FHIT: variants seen among roughly 807,000 people sequenced by gnomAD.
The protein encoded by FHIT is fragile histidine triad diadenosine triphosphatase, also known as bis(5'-adenosyl)-triphosphatase.
FHIT carries 19 observed loss-of-function variants against 17.9 expected under a neutral mutation model. That is an observed-to-expected ratio of 1.06 (90% CI 0.74 to 1.56). FHIT has a LOEUF of 1.56. FHIT is among the 40% of genes most tolerant of loss of function. The pLI, the probability that FHIT is intolerant of heterozygous loss-of-function variation, is 0.00. For synonymous variants in FHIT, 81 were observed against 69.7 expected (o/e 1.16, Z -0.81); for missense variants, 248 against 189.2 (o/e 1.31, Z -1.82).
chr3:61,144,965 A>C lies in FHIT; in HGVS notation c.-164+55652T>G, dbSNP rs114838931. ...TAGATACTAGTCCATCAACAGATGC[A>C]AAATTTTCTCCCATCTTTGGGTATA... On this transcript the variant is annotated intron_variant, in intron 2 of 9. Transcript: ENST00000492590. Among the ~76,000 whole-genome samples the C allele has an allele frequency of 2.4e-3, 370 of 152,302 alleles. 4 individuals are homozygous for C. Among genetic ancestry groups the C allele is most frequent in the African/African-American group, 8.7e-3 (360 of 41,588 alleles).
intron 5 of FHIT, among the ~76,000 whole-genome samples, chr3:60,114,188 G>T (rs941927851): frequency 6.7e-6 from 1 of 149,260 alleles, no homozygotes; most frequent in South Asian, 2.1e-4. Context: ...ATCAGACAAG[G>T]TAAACAGTAT....
intron 5 of FHIT, among the ~76,000 whole-genome samples, chr3:60,132,928 G>T (rs573763695): frequency 6.6e-5 from 10 of 152,102 alleles, no homozygotes; most frequent in Non-Finnish European, 1.5e-4. Context: ...ATTCGCTTTT[G>T]AGTTAGATTA....
intron 2 of FHIT, among the ~76,000 whole-genome samples, chr3:61,059,555 A>T (rs183615170): frequency 6.6e-6 from 1 of 152,258 alleles, no homozygotes; most frequent in East Asian, 1.9e-4. Flanking sequence ...TTCATTTGTA[A>T]ATAATGGCCA....
chr3:60,157,596 G>A (rs1253659273), intron 5 of FHIT, among the ~76,000 whole-genome samples: 1 of 152,200 alleles, frequency 6.6e-6, no homozygotes, highest in Non-Finnish European at 1.5e-5. Context: ...AGGCAGAGTA[G>A]AAGAAGCAAA....
At chr3:59,975,427 G>A (rs941543276) in intron 7 of FHIT, among the ~76,000 whole-genome samples, 1 of 152,040 alleles carries the variant, frequency 6.6e-6, no homozygotes, top group African/African-American at 2.4e-5. Flanking sequence ...TAAATATACT[G>A]TAAGATGCTT....
intron 8 of FHIT, among the ~76,000 whole-genome samples, chr3:59,905,861 T>C (rs1704562985): frequency 6.6e-6 from 1 of 152,204 alleles, no homozygotes; most frequent in African/African-American, 2.4e-5. Context: ...ACTTGAATGA[T>C]ATTATATAAT....
intron 5 of FHIT, among the ~76,000 whole-genome samples, chr3:60,472,367 G>C (rs1402883263): frequency 1.0e-4 from 14 of 135,078 alleles, no homozygotes. Context: ...GTACAATGCT[G>C]TATTTTTTTT....
intron 4 of FHIT, among the ~76,000 whole-genome samples, chr3:60,621,375 T>C (rs1186517254): frequency 2.0e-5 from 3 of 151,934 alleles, no homozygotes; most frequent in Admixed American, 1.3e-4. Context: ...GGTCTCGAAC[T>C]CCTGACCTCA....
chr3:61,123,896 A>G (rs192923771), intron 2 of FHIT, among the ~76,000 whole-genome samples: 5 of 152,182 alleles, frequency 3.3e-5, no homozygotes, highest in African/African-American at 1.2e-4. Flanking sequence ...TACAACATGG[A>G]TACTCTTGAG....
At chr3:59,881,457 T>C (rs1703407565) in intron 8 of FHIT, among the ~76,000 whole-genome samples, 1 of 152,200 alleles carries the variant, frequency 6.6e-6, no homozygotes, top group African/African-American at 2.4e-5. Flanking sequence ...TCACTATTCC[T>C]ATAAGGCAGT....
intron 3 of FHIT, among the ~76,000 whole-genome samples, chr3:61,034,977 C>A (rs6446178): frequency 0.55 from 84,033 of 152,010 alleles, 25,898 homozygotes; most frequent in East Asian, 0.74. Flanking sequence ...AAGGAATAAA[C>A]TTCTGATACA....
intron 5 of FHIT, among the ~76,000 whole-genome samples, chr3:60,066,857 C>T (rs113396170): frequency 4.6e-5 from 7 of 151,662 alleles, no homozygotes; most frequent in African/African-American, 1.7e-4. Context: ...GGGGTTTCAC[C>T]GTGGTCTCGA....
chr3:60,367,396 T>C (rs770571635), intron 5 of FHIT, among the ~76,000 whole-genome samples: 5 of 152,220 alleles, frequency 3.3e-5, no homozygotes, highest in East Asian at 1.9e-4. Context: ...GTGAATTTTC[T>C]AGAGAATGCA....
At chr3:59,918,596 A>G (rs1314608973) in intron 8 of FHIT, among the ~76,000 whole-genome samples, 1 of 152,210 alleles carries the variant, frequency 6.6e-6, no homozygotes, top group Admixed American at 6.5e-5. Flanking sequence ...CAGCATGCCC[A>G]GTATACCAGA....
At chr3:60,398,741 G>A (rs184917182) in intron 5 of FHIT, among the ~76,000 whole-genome samples, 149 of 152,190 alleles carry the variant, frequency 9.8e-4, no homozygotes, top group African/African-American at 3.4e-3. Context: ...AAATTTTGTG[G>A]AAGGAATAAG....
chr3:60,045,022 AT>A (rs1358633427), intron 5 of FHIT, among the ~76,000 whole-genome samples: 3 of 152,032 alleles, frequency 2.0e-5, no homozygotes, highest in African/African-American at 7.2e-5. Context: ...GCTTGTCCAT[AT>A]TGGCCATCAT....
At chr3:60,362,866 G>T (rs1204247804) in intron 5 of FHIT, among the ~76,000 whole-genome samples, 1 of 152,072 alleles carries the variant, frequency 6.6e-6, no homozygotes. Flanking sequence ...CAAAAAGAGG[G>T]GCAAAAAGGC....
chr3:60,629,488 A>G (rs2039384318), intron 4 of FHIT, among the ~76,000 whole-genome samples: 2 of 152,222 alleles, frequency 1.3e-5, no homozygotes, highest in Non-Finnish European at 2.9e-5. Context: ...CATTCTGGAA[A>G]TAAAACTCCA....
At chr3:60,740,972 C>T (rs936916381) in intron 4 of FHIT, among the ~76,000 whole-genome samples, 3 of 152,202 alleles carry the variant, frequency 2.0e-5, no homozygotes, top group Admixed American at 2.0e-4. Flanking sequence ...GTGGCCTTCC[C>T]ATCTTACCAT....
Sources: allele counts gnomAD v4.1 joint callset (sites outside exome capture counted in the v4.1 genomes callset), GRCh38; gene constraint gnomAD v4.1.1; transcripts MANE v1.5; gene names NCBI Gene and HGNC (gene_info 2026-07-23, HGNC 2026-07-21).